BTBD9: variants seen among roughly 807,000 people sequenced by gnomAD.
The protein encoded by BTBD9 is BTB domain containing 9.
A neutral mutation model predicts 64.3 loss-of-function variants in BTBD9; 49 were observed. The observed-to-expected ratio is 0.76, with a 90% confidence interval of 0.61 to 0.97. The LOEUF (loss-of-function observed/expected upper bound fraction) is 0.97, where lower values mean the gene tolerates loss of function less well. Among genes scored for constraint, BTBD9 ranks in the 50% least tolerant of loss-of-function variants. The pLI is 0.00. For synonymous variants in BTBD9, 260 were observed against 274.7 expected (o/e 0.95, Z 0.53); for missense variants, 598 against 762.1 (o/e 0.78, Z 2.53).
intron 7 of BTBD9, among the ~76,000 whole-genome samples, chr6:38,335,721 A>G (rs1434743667): frequency 6.6e-6 from 1 of 151,708 alleles, no homozygotes; most frequent in East Asian, 1.9e-4. Context: ...GTGCGCCACC[A>G]TGCCCAGCTA....
chr6:38,464,540 G>A (rs556070810), intron 6 of BTBD9, among the ~76,000 whole-genome samples: 82 of 152,016 alleles, frequency 5.4e-4, no homozygotes, highest in African/African-American at 2.0e-3. Flanking sequence ...CTGTTGCCCA[G>A]GCTGGAGTCC....
At chr6:38,175,296 G>A (rs1766952088) in intron 10 of BTBD9, 114 bp from the exon 11 acceptor site, 1 of 1,103,754 alleles carries the variant, frequency 9.1e-7, no homozygotes, top group South Asian at 1.4e-5. Context: ...GAGGGAGTTA[G>A]AGGAGGTCCT....
intron 6 of BTBD9, among the ~76,000 whole-genome samples, chr6:38,420,004 A>G (rs1256323468): frequency 1.3e-5 from 2 of 152,196 alleles, no homozygotes; most frequent in African/African-American, 4.8e-5. Context: ...TGAAATAGTC[A>G]AAACTGATTT....
At chr6:38,281,362 T>G (rs1002122151) in intron 8 of BTBD9, among the ~76,000 whole-genome samples, 1 of 152,210 alleles carries the variant, frequency 6.6e-6, no homozygotes, top group Admixed American at 6.5e-5. Flanking sequence ...GAACTCGGCA[T>G]GGGCTTGACA....
chr6:38,499,325 T>TA (rs1772094094), intron 6 of BTBD9, among the ~76,000 whole-genome samples: 1 of 152,196 alleles, frequency 6.6e-6, no homozygotes, highest in African/African-American at 2.4e-5. Context: ...TCTTTATTTT[T>TA]AAAATCTCCT....
At chr6:38,284,370 G>A (rs1200640932) in intron 8 of BTBD9, among the ~76,000 whole-genome samples, 1 of 152,106 alleles carries the variant, frequency 6.6e-6, no homozygotes, top group Non-Finnish European at 1.5e-5. Flanking sequence ...GTTCTCTCTT[G>A]TCTTAAGCCC....
At chr6:38,452,653 G>T (rs1309138660) in intron 6 of BTBD9, among the ~76,000 whole-genome samples, 2 of 151,948 alleles carry the variant, frequency 1.3e-5, no homozygotes, top group Non-Finnish European at 2.9e-5. Flanking sequence ...ATGAAGAGTA[G>T]AAAGGAATCA....
At chr6:38,595,986 A>G in intron 2 of BTBD9, 1 of 985,464 alleles carries the variant, frequency 1.0e-6, no homozygotes, top group South Asian at 4.7e-5. Context: ...AACAATAAAC[A>G]TGAACCCCCA....
At chr6:38,559,479 T>C (rs1413978660) in intron 6 of BTBD9, among the ~76,000 whole-genome samples, 4 of 152,184 alleles carry the variant, frequency 2.6e-5, no homozygotes, top group Non-Finnish European at 4.4e-5. Context: ...GAAGAATTAC[T>C]ATCGTGAAAA....
At chr6:38,534,970 T>C (rs893655063) in intron 6 of BTBD9, among the ~76,000 whole-genome samples, 1 of 152,136 alleles carries the variant, frequency 6.6e-6, no homozygotes, top group Admixed American at 6.5e-5. Flanking sequence ...ATGATAAGGA[T>C]GCCCACTTTC....
At chr6:38,482,339 T>G (rs2127381975) in intron 6 of BTBD9, 1 of 152,126 alleles carries the variant, frequency 6.6e-6, no homozygotes, top group East Asian at 1.9e-4. Context: ...AACTCGTCCC[T>G]ACTGAAAGGG....
chr6:38,373,137 G>C (rs1323780240), intron 6 of BTBD9, among the ~76,000 whole-genome samples: 1 of 152,140 alleles, frequency 6.6e-6, no homozygotes, highest in African/African-American at 2.4e-5. Context: ...GAGATCAAAA[G>C]AGTAAAATGT....
chr6:38,227,900 T>G (rs73730911), intron 9 of BTBD9, among the ~76,000 whole-genome samples: 2,128 of 152,226 alleles, frequency 0.014, 49 homozygotes, highest in African/African-American at 0.046. Flanking sequence ...TACATGACAT[T>G]CTGGAAAATG....
At chr6:38,255,248 C>G (rs1276235707) in intron 9 of BTBD9, among the ~76,000 whole-genome samples, 1 of 152,074 alleles carries the variant, frequency 6.6e-6, no homozygotes, top group African/African-American at 2.4e-5. Context: ...TTATTGGATG[C>G]TGGGGCTGGG....
At chr6:38,342,791 G>T (rs960851437) in intron 7 of BTBD9, among the ~76,000 whole-genome samples, 1 of 152,168 alleles carries the variant, frequency 6.6e-6, no homozygotes, top group Non-Finnish European at 1.5e-5. Flanking sequence ...ACTGGCCAAG[G>T]CCTGTGTGCT....
chr6:38,253,199 A>C (rs1315023405), intron 9 of BTBD9, among the ~76,000 whole-genome samples: 1 of 152,200 alleles, frequency 6.6e-6, no homozygotes, highest in East Asian at 1.9e-4. Flanking sequence ...TAGTATAAAG[A>C]AATATCCAAG....
intron 4 of BTBD9, among the ~76,000 whole-genome samples, chr6:38,591,826 A>G (rs1451489065): frequency 1.3e-5 from 2 of 152,208 alleles, no homozygotes; most frequent in African/African-American, 2.4e-5. Context: ...GATAAGTATC[A>G]TAAGTGTTAG....
At chr6:38,344,221 C>T (rs762644703) in intron 7 of BTBD9, among the ~76,000 whole-genome samples, 1 of 151,986 alleles carries the variant, frequency 6.6e-6, no homozygotes, top group African/African-American at 2.4e-5. Flanking sequence ...GCAGAATAAA[C>T]AGTCTGGATG....
At chr6:38,274,774 G>C (rs912509557) in intron 8 of BTBD9, among the ~76,000 whole-genome samples, 5 of 152,068 alleles carry the variant, frequency 3.3e-5, no homozygotes, top group Non-Finnish European at 5.9e-5. Flanking sequence ...TGCTGGATTC[G>C]GTTTGCCAGT....
Sources: gnomAD v4.1 joint callset for allele counts (sites outside exome capture counted in the v4.1 genomes callset) on GRCh38, gnomAD v4.1.1 for gene constraint, MANE v1.5 for transcripts, NCBI Gene and HGNC (gene_info 2026-07-23, HGNC 2026-07-21) for gene names.